Variants in HMGXB4 observed in about 807,000 individuals in gnomAD.
HMGXB4 encodes the protein HMG-box containing 4.
HMGXB4 carries 27 observed loss-of-function variants against 63.9 expected under a neutral mutation model. That is an observed-to-expected ratio of 0.42 (90% confidence interval 0.31 to 0.58). The LOEUF (loss-of-function observed/expected upper bound fraction) is 0.58. Ranked by LOEUF, HMGXB4 falls within the 20% of genes least tolerant of loss-of-function variation. The pLI is 0.13. For synonymous variants in HMGXB4, 264 were observed against 265.3 expected (o/e 0.99, Z 0.05); for missense variants, 624 against 700.7 (o/e 0.89, Z 1.24).
the HMGXB4 span, among the ~76,000 whole-genome samples, chr22:35,245,270 T>C: frequency 2.6e-5 from 4 of 151,980 alleles, no homozygotes; most frequent in African/African-American, 9.7e-5. Flanking sequence ...CCATTGGGTT[T>C]TTTGTTAGCT....
chr22:35,247,267 C>G, the HMGXB4 span, among the ~76,000 whole-genome samples: 4 of 152,280 alleles, frequency 2.6e-5, no homozygotes, highest in South Asian at 2.1e-4. Context: ...ATCAGAGAGG[C>G]CTTTACTCTA....
At chr22:35,272,550 G>A (rs904017148) in intron 5 of HMGXB4, among the ~76,000 whole-genome samples, 1 of 152,192 alleles carries the variant, frequency 6.6e-6, no homozygotes, top group African/African-American at 2.4e-5. Context: ...TGCAGTGGAA[G>A]CTTTTCATTT....
intron 4 of HMGXB4, 68 bp downstream of exon 4, chr22:35,263,942 A>G (rs1343781808): frequency 1.9e-6 from 3 of 1,595,596 alleles, no homozygotes; most frequent in African/African-American, 1.3e-5. Flanking sequence ...GGTAGGGGAA[A>G]GGGATCCAGA....
At chr22:35,273,092 G>A (rs1394034258) in intron 5 of HMGXB4, among the ~76,000 whole-genome samples, 1 of 152,168 alleles carries the variant, frequency 6.6e-6, no homozygotes, top group African/African-American at 2.4e-5. Flanking sequence ...ATAAACAAAA[G>A]TCTGAAACAT....
chr22:35,246,338 G>C, the HMGXB4 span, among the ~76,000 whole-genome samples: 2 of 151,916 alleles, frequency 1.3e-5, no homozygotes, highest in African/African-American at 4.8e-5. Flanking sequence ...GCAGTGGCAC[G>C]ATCTCGGCTC....
chr22:35,268,990 T>G (rs910090156), intron 5 of HMGXB4, among the ~76,000 whole-genome samples: 3 of 152,234 alleles, frequency 2.0e-5, no homozygotes, highest in African/African-American at 7.2e-5. Flanking sequence ...CCTTGCTGTC[T>G]TACTGCACTT....
Position 35,265,246 on chromosome 22 carries a change from G to C in HMGXB4, c.858G>C (p.Gly286=). The change falls in exon 5 of 11, where the codon GGG becomes GGC. Residue 286 remains glycine, a synonymous_variant. Transcript: ENST00000216106. ...ACAGTGCTAACCTTGATCTTTCAGG[G>C]CTTGAACCTATTCTGGTAGAATCAG... ...ESHSANLDLS[G]LEPILVESDS... The C allele has an allele frequency of 6.2e-7, 1 of 1,614,126 alleles. No homozygotes were observed. The highest frequency in any genetic ancestry group is 8.5e-7 in the Non-Finnish European group (1 of 1,180,024).
chr22:35,243,795 T>A, the HMGXB4 span, among the ~76,000 whole-genome samples: 5 of 152,166 alleles, frequency 3.3e-5, no homozygotes, highest in African/African-American at 1.2e-4. Flanking sequence ...CCACCCACCT[T>A]GGCCTCCCAA....
chr22:35,288,165 C>T, intron 8 of HMGXB4, 73 bp from the exon 9 acceptor site: 1 of 1,261,684 alleles, frequency 7.9e-7, no homozygotes. Context: ...AAGGGAAAAT[C>T]AGGAAGAACA....
chr22:35,282,258 G>GCTCCAC (rs1176074916), intron 5 of HMGXB4, among the ~76,000 whole-genome samples: 1 of 152,164 alleles, frequency 6.6e-6, no homozygotes, highest in Non-Finnish European at 1.5e-5. Context: ...CTTACTGCAA[G>GCTCCAC]CTCCACCTCC....
At chr22:35,272,831 G>A (rs1252000022) in intron 5 of HMGXB4, among the ~76,000 whole-genome samples, 1 of 152,220 alleles carries the variant, frequency 6.6e-6, no homozygotes, top group Non-Finnish European at 1.5e-5. Flanking sequence ...CTACTCAGGA[G>A]GCTGAGGCAG....
intron 5 of HMGXB4, among the ~76,000 whole-genome samples, chr22:35,273,656 T>G (rs1249146638): frequency 6.6e-6 from 1 of 152,234 alleles, no homozygotes; most frequent in African/African-American, 2.4e-5. Context: ...CTATGTTTTA[T>G]GCATATAATA....
chr22:35,249,176 G>A, the HMGXB4 span, among the ~76,000 whole-genome samples: 15 of 43,116 alleles, frequency 3.5e-4, 4 homozygotes, highest in Admixed American at 2.4e-3. Flanking sequence ...CTCCTGCCTC[G>A]GCCTCCTGAG....
rs764081484 is a variant in HMGXB4 at position 35,263,071 on chromosome 22, T to A, written c.32-7T>A. 4.3e-6 allele frequency: 7 copies of A among 1,613,178 alleles called. No individual in the cohort carries two copies. The highest frequency in any genetic ancestry group is 5.9e-6 in the Non-Finnish European group (7 of 1,179,752). On this transcript the variant is annotated splice_region_variant and splice_polypyrimidine_tract_variant and intron_variant, in intron 2 of 10. Coordinates refer to ENST00000216106, the MANE Select transcript of HMGXB4 (RefSeq NM_001003681.3). ...TTTCCTTTCCCAAATAAACCTGTGC[T>A]TCTCAGATTGTTTTGATGGTGATCA...
chr22:35,264,682 G>C lies in HMGXB4; in HGVS notation c.294G>C (p.Lys98Asn). The change falls in exon 5 of 11, where the codon AAG becomes AAC. Residue 98 changes from lysine to asparagine, a missense_variant. Around this residue, in one of 2 missense-constraint regions of HMGXB4, gnomAD observed 472 missense variants for 470.6 expected, o/e 1.00. Transcript: ENST00000216106. ...CTTTGGAATCGTCACAGAAGAAAAA[G>C]AAAAAGTCCAGCCCACAGTCTACTG... ...ISSLESSQKK[K>N]KKSSPQSTDT... The C allele has an allele frequency of 1.3e-6, 2 of 1,579,310 alleles. No homozygotes were observed. Among genetic ancestry groups the C allele is most frequent in the Non-Finnish European group, 1.7e-6 (2 of 1,167,020 alleles).
rs553724751 is a variant in HMGXB4 at position 35,266,106 on chromosome 22, G to C, written c.1215+503G>C. On this transcript the variant is annotated intron_variant, in intron 5 of 10. Coordinates refer to ENST00000216106, the MANE Select transcript of HMGXB4 (RefSeq NM_001003681.3). ...GCCCGGCCTAGGGTTTCTTAATAGAGTTATTCTCCCATTGTGCCAGGAATA... is the reference window on the plus strand; with the variant it reads ...GCCCGGCCTAGGGTTTCTTAATAGACTTATTCTCCCATTGTGCCAGGAATA... 7.0e-4 allele frequency among the ~76,000 whole-genome samples: 106 copies of C among 152,100 alleles called. 3 individuals are homozygous for C. The Middle Eastern group carries it at 0.014, about 20-fold the overall frequency.
At chr22:35,253,144 A>AAAAAAAAAAAAAAAGAAAAAAG (rs11282400), upstream of HMGXB4, among the ~76,000 whole-genome samples, 2 of 125,372 alleles carry the variant, frequency 1.6e-5, no homozygotes, top group Admixed American at 8.7e-5. Flanking sequence ...AAAAAAAAAA[A>AAAAAAAAAAAAAAAGAAAAAAG]AAAAAAGAAA....
chr22:35,258,377 C>T (rs1922599089), intron 1 of HMGXB4: 1 of 152,168 alleles, frequency 6.6e-6, no homozygotes, highest in African/African-American at 2.4e-5. Flanking sequence ...TATATTTCCT[C>T]CTAATAGAAC....
At chr22:35,245,286 A>G in the HMGXB4 span, among the ~76,000 whole-genome samples, 2 of 145,304 alleles carry the variant, frequency 1.4e-5, no homozygotes, top group African/African-American at 5.1e-5. Context: ...TAGCTCTTCT[A>G]TATATTATTT....
Sources: allele counts gnomAD v4.1 joint callset (sites outside exome capture counted in the v4.1 genomes callset), GRCh38; gene constraint gnomAD v4.1.1; regional missense constraint gnomAD v4.1.1; transcripts MANE v1.5; gene names NCBI Gene and HGNC (gene_info 2026-07-23, HGNC 2026-07-21).